The following GTF2E2 variants were observed in gnomAD, a reference collection of about 807,000 sequenced individuals.
The protein encoded by GTF2E2 is transcription initiation factor IIE subunit beta.
GTF2E2 carries 21 observed loss-of-function variants against 40.5 expected under a neutral mutation model. The observed-to-expected ratio is 0.52, with a 90% confidence interval of 0.37 to 0.75. The LOEUF is 0.75. Among genes scored for constraint, GTF2E2 ranks in the 30% least tolerant of loss-of-function variants. GTF2E2 has a pLI of 0.00. For synonymous variants in GTF2E2, 117 were observed against 121.6 expected, an observed-to-expected ratio of 0.96 and a Z score of 0.25; for missense variants, 298 against 338.4, an observed-to-expected ratio of 0.88 and a Z score of 0.94.
At chr8:30,649,894 A>G (rs1387313563) in intron 2 of GTF2E2, among the ~76,000 whole-genome samples, 7 of 152,262 alleles carry the variant, frequency 4.6e-5, no homozygotes, top group African/African-American at 1.7e-4. Flanking sequence ...AAAGCCACAA[A>G]GTACCAAAAG....
intron 2 of GTF2E2, chr8:30,637,349 T>C: frequency 4.4e-6 from 2 of 453,586 alleles, no homozygotes; most frequent in South Asian, 3.1e-5. Context: ...CAAACAGTTG[T>C]GCTTATGAGA....
chr8:30,649,424 CAAAA>C (rs1007322181), intron 2 of GTF2E2, among the ~76,000 whole-genome samples: 17 of 151,608 alleles, frequency 1.1e-4, no homozygotes, highest in African/African-American at 3.9e-4. Flanking sequence ...AACAAACAAA[CAAAA>C]ACCAAAACAG....
intron 6 of GTF2E2, among the ~76,000 whole-genome samples, chr8:30,604,115 G>A (rs538735892): frequency 1.3e-5 from 2 of 152,082 alleles, no homozygotes; most frequent in Non-Finnish European, 2.9e-5. Context: ...AGGAATGAGG[G>A]GGGGAGAGGA....
At position 30,606,113 on chromosome 8, in the gene GTF2E2, C is replaced by T. The variant is rs560394593; in HGVS notation, c.643+944G>A. ...TACAATGGATAGCATAAGTTCACTA[C>T]ATACTTGCTTTGTTATATAAAAGCT... On this transcript the variant is annotated intron_variant, in intron 6 of 7. Coordinates refer to ENST00000355904, the MANE Select transcript of GTF2E2 (RefSeq NM_002095.6). Among the ~76,000 whole-genome samples the T allele has an allele frequency of 9.8e-5, 15 of 152,354 alleles. No homozygotes were observed. In the South Asian group the frequency reaches 2.9e-3, roughly 29 times the overall value.
intron 5 of GTF2E2, among the ~76,000 whole-genome samples, chr8:30,608,898 G>A (rs777561417): frequency 2.1e-4 from 32 of 152,144 alleles, no homozygotes; most frequent in Non-Finnish European, 2.9e-4. Flanking sequence ...ACAGGTGCCC[G>A]CCACCACGCC....
intron 3 of GTF2E2, among the ~76,000 whole-genome samples, chr8:30,625,247 T>G (rs867750843): frequency 3.0e-4 from 46 of 152,238 alleles, no homozygotes; most frequent in Middle Eastern, 6.8e-3. Context: ...GTCAAAGGCC[T>G]TTTCTGCATC....
At chr8:30,597,078 T>G (rs1829029719) in intron 6 of GTF2E2, 1 of 152,378 alleles carries the variant, frequency 6.6e-6, no homozygotes, top group South Asian at 2.1e-4. Flanking sequence ...GGTGGGAAGA[T>G]TCTCTGACAT....
intron 5 of GTF2E2, among the ~76,000 whole-genome samples, chr8:30,611,427 C>T (rs1184752992): frequency 6.6e-6 from 1 of 151,912 alleles, no homozygotes; most frequent in Admixed American, 6.6e-5. Context: ...AGAAATCATA[C>T]TTAAGGGTGT....
At chr8:30,657,773 T>C (rs1056958509) in intron 1 of GTF2E2, among the ~76,000 whole-genome samples, 200 bp downstream of exon 1, 16 of 152,176 alleles carry the variant, frequency 1.1e-4, no homozygotes, top group Admixed American at 3.3e-4. Flanking sequence ...ACCCAAAAGT[T>C]TGCTCAATGA....
At chr8:30,629,624 G>C (rs1299149847) in intron 3 of GTF2E2, among the ~76,000 whole-genome samples, 1 of 147,062 alleles carries the variant, frequency 6.8e-6, no homozygotes, top group Non-Finnish European at 1.5e-5. Context: ...AGGAGGTAGA[G>C]CTTGCAATGA....
intron 1 of GTF2E2, 99 bp from the exon 2 acceptor site, chr8:30,653,701 A>T: frequency 1.3e-6 from 1 of 768,122 alleles, no homozygotes; most frequent in Non-Finnish European, 2.1e-6. Flanking sequence ...AAACAAAATT[A>T]CCTTTTATTA....
chr8:30,627,356 A>G (rs1045517699), intron 3 of GTF2E2, among the ~76,000 whole-genome samples: 9 of 152,008 alleles, frequency 5.9e-5, no homozygotes, highest in African/African-American at 2.2e-4. Context: ...TCATATCTGG[A>G]AACAAGAAGT....
intron 3 of GTF2E2, among the ~76,000 whole-genome samples, chr8:30,615,478 G>A (rs1259688622): frequency 6.6e-6 from 1 of 152,080 alleles, no homozygotes; most frequent in African/African-American, 2.4e-5. Flanking sequence ...GAAAATATTA[G>A]AAATAACCCA....
At position 30,638,018 on chromosome 8, in the gene GTF2E2, ATT is replaced by A. The variant is rs1801669137; in HGVS notation, c.167-2897_167-2896del. Among the ~76,000 whole-genome samples, 3 of 152,296 alleles carry A rather than the reference ATT, an allele frequency of 2.0e-5. No individual in the cohort carries two copies. In the South Asian group the frequency reaches 6.2e-4, roughly 32 times the overall value. The stretch of plus-strand genomic sequence containing the variant: ...CTTTGCCATTTACATTTTAGAGACT[ATT>A]TTTTGAATGCAGGTAGTGTATTTAC... On this transcript the variant is annotated intron_variant, in intron 2 of 7. Transcript: ENST00000355904.
intron 3 of GTF2E2, among the ~76,000 whole-genome samples, chr8:30,620,723 G>C (rs1352732848): frequency 3.6e-5 from 5 of 140,816 alleles, no homozygotes; most frequent in African/African-American, 1.3e-4. Flanking sequence ...TCAGTAAGTA[G>C]TTCAAGGCCA....
chr8:30,605,679 T>G (rs1332073332), intron 6 of GTF2E2, among the ~76,000 whole-genome samples: 3 of 152,134 alleles, frequency 2.0e-5, no homozygotes, highest in Non-Finnish European at 2.9e-5. Context: ...CTTTCTTTTT[T>G]AAAGGCAGAG....
chr8:30,654,593 C>T (rs991401022), intron 1 of GTF2E2, among the ~76,000 whole-genome samples: 2 of 152,022 alleles, frequency 1.3e-5, no homozygotes, highest in African/African-American at 4.8e-5. Flanking sequence ...TTTTTAGAGA[C>T]AAGGTCTTGC....
At chr8:30,585,844 G>A (rs1197342145) in intron 6 of GTF2E2, among the ~76,000 whole-genome samples, 1 of 149,816 alleles carries the variant, frequency 6.7e-6, no homozygotes, top group Non-Finnish European at 1.5e-5. Flanking sequence ...CAGAGCTTAG[G>A]GAGATGGAGG....
At chr8:30,641,352 A>C (rs1018695268) in intron 2 of GTF2E2, among the ~76,000 whole-genome samples, 1 of 152,054 alleles carries the variant, frequency 6.6e-6, no homozygotes, top group Non-Finnish European at 1.5e-5. Flanking sequence ...TATTATTAAA[A>C]GCGTAATTTG....
Sources: gnomAD v4.1 joint callset for allele counts (sites outside exome capture counted in the v4.1 genomes callset) on GRCh38, gnomAD v4.1.1 for gene constraint, MANE v1.5 for transcripts, NCBI Gene and HGNC (gene_info 2026-07-23, HGNC 2026-07-21) for gene names.